The following RAB3C variants were observed in gnomAD, a reference collection of about 807,000 sequenced individuals.
RAB3C encodes the protein RAB3C, member RAS oncogene family.
In RAB3C, 17 loss-of-function variants were observed where a neutral mutation model predicts 26.4. The ratio of observed to expected loss-of-function variants is 0.64; its 90% CI spans 0.44 to 0.97. The LOEUF is 0.97. Ranked by LOEUF, RAB3C falls within the 50% of genes least tolerant of loss-of-function variation. The pLI is 0.00. For synonymous variants in RAB3C, 91 were observed against 95.9 expected (o/e 0.95, Z 0.30); for missense variants, 242 against 281.9 (o/e 0.86, Z 1.01).
rs143802827 is a variant in RAB3C, at chr5:58,786,213, C to G, written c.372-38825C>G. On this transcript the variant is annotated intron_variant, in intron 3 of 4. Transcript: ENST00000282878. ...GAGCAGTAAACACAGTTTCATTGTT[C>G]ATTAAGCCAGTTTCTCACTCTGAGT... is the stretch of plus-strand genomic sequence containing the variant. Among the ~76,000 whole-genome samples, 3 of 152,326 alleles carry G rather than the reference C, an allele frequency of 2.0e-5. No individual in the cohort carries two copies. The East Asian group carries it at 5.8e-4, about 29-fold the overall frequency.
chr5:58,641,918 C>A (rs1004425261), intron 2 of RAB3C, among the ~76,000 whole-genome samples: 1 of 152,098 alleles, frequency 6.6e-6, no homozygotes, highest in Non-Finnish European at 1.5e-5. Context: ...ATATGTCTGA[C>A]CAATATTGGC....
upstream of RAB3C, chr5:58,582,221 G>C (rs1344048179): frequency 6.1e-6 from 1 of 163,126 alleles, no homozygotes; most frequent in African/African-American, 2.4e-5. Context: ...CCAGAGGAAA[G>C]AAGCCCTCCA....
At chr5:58,695,114 G>A (rs991683377) in intron 2 of RAB3C, among the ~76,000 whole-genome samples, 2 of 152,182 alleles carry the variant, frequency 1.3e-5, no homozygotes, top group African/African-American at 4.8e-5. Context: ...TATATGAGGT[G>A]TAGGGAAGGG....
chr5:58,771,402 C>T (rs559055012), intron 3 of RAB3C, among the ~76,000 whole-genome samples: 26 of 151,914 alleles, frequency 1.7e-4, no homozygotes, highest in Non-Finnish European at 3.2e-4. Context: ...TCTTAGTTAA[C>T]ATAAAGAATC....
chr5:58,583,308 T>A (rs889775199), intron 1 of RAB3C, 76 bp downstream of exon 1: 5 of 1,603,968 alleles, frequency 3.1e-6, no homozygotes, highest in Non-Finnish European at 4.3e-6. Flanking sequence ...GCACAAGCAG[T>A]TCAACGTAAG....
chr5:58,629,802 G>A (rs1203408007), intron 2 of RAB3C, among the ~76,000 whole-genome samples: 1 of 152,110 alleles, frequency 6.6e-6, no homozygotes, highest in African/African-American at 2.4e-5. Flanking sequence ...CAAAAATTGG[G>A]GAAGCTGTCA....
intron 3 of RAB3C, among the ~76,000 whole-genome samples, chr5:58,789,238 C>T (rs1408644382): frequency 2.0e-5 from 3 of 151,992 alleles, no homozygotes; most frequent in African/African-American, 7.2e-5. Context: ...ATTTAGAGCC[C>T]GTTCTTCTCA....
At chr5:58,633,317 C>G (rs766724218) in intron 2 of RAB3C, among the ~76,000 whole-genome samples, 1 of 152,142 alleles carries the variant, frequency 6.6e-6, no homozygotes, top group African/African-American at 2.4e-5. Flanking sequence ...ATGGGGTAAG[C>G]CCCTTTAGAG....
chr5:58,844,572 C>T (rs1466930049), intron 4 of RAB3C, among the ~76,000 whole-genome samples: 5 of 152,196 alleles, frequency 3.3e-5, no homozygotes, highest in Non-Finnish European at 5.9e-5. Context: ...CTACTTCTGG[C>T]TCAAATGTCA....
At chr5:58,829,587 T>C (rs537664626) in intron 4 of RAB3C, among the ~76,000 whole-genome samples, 22 of 152,318 alleles carry the variant, frequency 1.4e-4, no homozygotes, top group African/African-American at 4.8e-4. Context: ...GAAACTATAA[T>C]TGCTTCTGAG....
At chr5:58,803,229 C>T (rs1416188307) in intron 3 of RAB3C, among the ~76,000 whole-genome samples, 1 of 152,176 alleles carries the variant, frequency 6.6e-6, no homozygotes, top group East Asian at 1.9e-4. Context: ...TTCAACTGGG[C>T]TTCTGATGTC....
chr5:58,850,125 T>A (rs550585835), intron 4 of RAB3C, among the ~76,000 whole-genome samples: 1 of 152,334 alleles, frequency 6.6e-6, no homozygotes, highest in African/African-American at 2.4e-5. Context: ...GGCAACTGAC[T>A]GGCAAGCTCA....
At position 58,851,316 on chromosome 5, in the gene RAB3C, A is replaced by T; in HGVS notation, c.649A>T (p.Thr217Ser). Reference sequence around the variant, plus strand: ...AAAGCAGAACACGAGACTCAAGGAAACTCCTCCTCCACCGCAGCCCAACTG... The same window carrying T: ...AAAGCAGAACACGAGACTCAAGGAATCTCCTCCTCCACCGCAGCCCAACTG... ...AAKQNTRLKE[T>S]PPPPQPNCAC The change falls in exon 5 of 5, where the codon ACT becomes TCT. Residue 217 changes from threonine to serine, a missense_variant. By Grantham distance (58) the Thr-to-Ser change is moderately conservative (BLOSUM62 1). Transcript: ENST00000282878. 1 of 1,610,094 alleles carries T rather than the reference A, an allele frequency of 6.2e-7. No individual in the cohort carries two copies. Among genetic ancestry groups the T allele is most frequent in the Non-Finnish European group, 8.5e-7 (1 of 1,178,692 alleles).
intron 2 of RAB3C, among the ~76,000 whole-genome samples, chr5:58,674,698 T>C (rs1748187484): frequency 6.6e-6 from 1 of 152,210 alleles, no homozygotes; most frequent in Non-Finnish European, 1.5e-5. Flanking sequence ...TTAAATTGAA[T>C]AATACAGTGT....
In RAB3C at chr5:58,585,013, TA is replaced by T. The variant is rs952975137; in HGVS notation, c.24+1785del. On this transcript the variant is annotated intron_variant, in intron 1 of 4. Coordinates refer to ENST00000282878, the MANE Select transcript of RAB3C (RefSeq NM_138453.4). ...ATGAAGAACTAAAATAAAAATAAGGTAAAATGAAATTAATTTGCTTGTGGAT... is the reference window on the plus strand; with the variant it reads ...ATGAAGAACTAAAATAAAAATAAGGTAAATGAAATTAATTTGCTTGTGGAT... Among the ~76,000 whole-genome samples, 5 of 152,080 alleles carry T rather than the reference TA, an allele frequency of 3.3e-5. 1 individual carries two copies. The highest frequency in any genetic ancestry group is 3.3e-4 in the Admixed American group (5 of 15,260).
At chr5:58,762,046 T>G (rs292963) in intron 3 of RAB3C, among the ~76,000 whole-genome samples, 1 of 150,502 alleles carries the variant, frequency 6.6e-6, no homozygotes, top group African/African-American at 2.4e-5. Context: ...TAGCAGCCAC[T>G]TTTAGAAGCA....
At chr5:58,822,021 GTTTACGT>G (rs1490847893) in intron 3 of RAB3C, among the ~76,000 whole-genome samples, 1 of 150,730 alleles carries the variant, frequency 6.6e-6, no homozygotes, top group African/African-American at 2.4e-5. Context: ...TTAATCATTT[GTTTACGT>G]TTCAACATTT....
intron 2 of RAB3C, among the ~76,000 whole-genome samples, chr5:58,636,140 CCTT>C (rs1276152545): frequency 1.3e-5 from 2 of 152,170 alleles, no homozygotes; most frequent in Non-Finnish European, 2.9e-5. Flanking sequence ...GAAAACCAAT[CCTT>C]CTTGGATGAA....
At chr5:58,606,663 G>A (rs1199551637) in intron 1 of RAB3C, among the ~76,000 whole-genome samples, 2 of 152,124 alleles carry the variant, frequency 1.3e-5, no homozygotes, top group African/African-American at 4.8e-5. Flanking sequence ...CCTCATACAG[G>A]TGGGTGCTCC....
Sources: allele counts gnomAD v4.1 joint callset (sites outside exome capture counted in the v4.1 genomes callset), GRCh38; gene constraint gnomAD v4.1.1; transcripts MANE v1.5; gene names NCBI Gene and HGNC (gene_info 2026-07-23, HGNC 2026-07-21).